The following ATAD2B variants were observed in gnomAD, a reference collection of about 807,000 sequenced individuals.
ATAD2B encodes the protein ATPase family AAA domain containing 2B, also known as ATPase family AAA domain-containing protein 2B.
A neutral mutation model predicts 167.6 loss-of-function variants in ATAD2B; 40 were observed. The observed-to-expected ratio is 0.24, with a 90% CI of 0.19 to 0.31. ATAD2B has a LOEUF of 0.31. Among genes scored for constraint, ATAD2B ranks in the 10% least tolerant of loss-of-function variants. ATAD2B has a pLI of 1.00. For missense variants in ATAD2B, 1,242 were observed against 1,757.2 expected (o/e 0.71, Z 5.24); for synonymous variants, 579 against 596.5 (o/e 0.97, Z 0.43).
the ATAD2B span, among the ~76,000 whole-genome samples, chr2:23,738,268 T>C: frequency 6.6e-6 from 1 of 152,094 alleles, no homozygotes; most frequent in Non-Finnish European, 1.5e-5. Flanking sequence ...AAAGTTGAAA[T>C]GAAGAAACAA....
downstream of ATAD2B, among the ~76,000 whole-genome samples, chr2:23,745,368 A>AGAAGGAAGGAAAGAAG (rs1674784813): frequency 1.9e-5 from 1 of 52,884 alleles, no homozygotes; most frequent in Admixed American, 2.4e-4. Context: ...AAGGAAGGAA[A>AGAAGGAAGGAAAGAAG]GAAGGAAGGA....
At position 23,881,401 on chromosome 2, in the gene ATAD2B, G is replaced by A. The variant is rs182466492; in HGVS notation, c.785-646C>T. Among the ~76,000 whole-genome samples the A allele has an allele frequency of 1.6e-4, 20 of 123,394 alleles. No homozygotes were observed. The East Asian group carries it at 3.9e-3, about 24-fold the overall frequency. 81.0% of individuals were successfully genotyped at this position (123,394 alleles called of 152,430 possible). ...TTTTTTTTGACACAGAGTCTCTGTCGCCAGGCTGGAGTACAGTGGCGTGAT... is the reference window on the plus strand; with the variant it reads ...TTTTTTTTGACACAGAGTCTCTGTCACCAGGCTGGAGTACAGTGGCGTGAT... On this transcript the variant is annotated intron_variant, in intron 6 of 27. Coordinates refer to ENST00000238789, the MANE Select transcript of ATAD2B (RefSeq NM_017552.4).
rs1677867406 is a variant in ATAD2B at position 23,768,928 on chromosome 2, A to AG, written c.3134-3301_3134-3300insC. Among the ~76,000 whole-genome samples, 4 of 152,164 alleles carry AG rather than the reference A, an allele frequency of 2.6e-5. No individual in the cohort carries two copies. In the South Asian group the frequency reaches 8.3e-4, roughly 31 times the overall value. ...TCACATGCTGGTGGACATTAGTGAT[A>AG]ATTCTGAGTTTTGGCTATTATAAAC... On this transcript the variant is annotated intron_variant, in intron 22 of 27. Coordinates refer to ENST00000238789, the MANE Select transcript of ATAD2B (RefSeq NM_017552.4).
the ATAD2B span, among the ~76,000 whole-genome samples, chr2:23,735,698 G>A: frequency 1.1e-4 from 17 of 152,252 alleles, no homozygotes; most frequent in Middle Eastern, 3.4e-3. Context: ...ACTTCAGTAC[G>A]AAAATCAGGA....
Position 23,786,146 on chromosome 2 carries a change from T to G in ATAD2B, c.2854A>C (p.Met952Leu), listed in dbSNP as rs540833365. ...RQLSESEKSR[M>L]EDQEENTLRE... ...AAAGTATTTTCCTCCTGGTCCTCCATTCGACTTTTTTCTGATTCTGATAAT... is the reference window on the plus strand; with the variant it reads ...AAAGTATTTTCCTCCTGGTCCTCCAGTCGACTTTTTTCTGATTCTGATAAT... Residue 952 changes from methionine (M) to leucine (L), a missense_variant, in exon 21 of 28, where the codon ATG (methionine) becomes CTG (leucine). Met to Leu is a conservative substitution (Grantham distance 15, BLOSUM62 2). Transcript: ENST00000238789. 4.4e-6 allele frequency: 7 copies of G among 1,603,452 alleles called. No homozygotes were observed. In the South Asian group the frequency reaches 7.9e-5, roughly 18 times the overall value.
chr2:23,736,234 C>A, the ATAD2B span, among the ~76,000 whole-genome samples: 31 of 152,180 alleles, frequency 2.0e-4, no homozygotes, highest in African/African-American at 6.3e-4. Context: ...GGAACCCCCC[C>A]CATTGTTACT....
intron 10 of ATAD2B, 26 bp downstream of exon 10, chr2:23,867,806 ACTT>A (rs1331499136): frequency 1.3e-6 from 2 of 1,503,234 alleles, no homozygotes; most frequent in Non-Finnish European, 1.8e-6. Flanking sequence ...AAAAAAGAAA[ACTT>A]CTAGAAAAAC....
the ATAD2B span, chr2:23,706,953 T>A: frequency 3.5e-6 from 1 of 289,196 alleles, no homozygotes; most frequent in Non-Finnish European, 6.4e-6. Context: ...TTTCACGTAT[T>A]TTTCAACTGG....
chr2:23,905,984 A>C (rs1369751207), intron 1 of ATAD2B, among the ~76,000 whole-genome samples: 1 of 152,148 alleles, frequency 6.6e-6, no homozygotes, highest in African/African-American at 2.4e-5. Context: ...AATTTGAGAA[A>C]ACCTATGAAA....
chr2:23,875,493 G>A (rs762623648), intron 8 of ATAD2B, among the ~76,000 whole-genome samples: 90 of 130,538 alleles, frequency 6.9e-4, no homozygotes, highest in Non-Finnish European at 1.3e-3. Context: ...GGGACAAAGT[G>A]AGACTCCGTC....
Position 23,857,443 on chromosome 2 carries a change from G to T in ATAD2B, c.1540C>A (p.Arg514Ser). The change falls in exon 13 of 28, where the codon CGC (arginine) becomes AGC (serine). Residue 514 changes from arginine to serine, a missense_variant. Transcript: ENST00000238789. Reference protein sequence around the residue: ...FDEIDGLAPVRSSRQDQIHSS... With the variant: ...FDEIDGLAPVSSSRQDQIHSS... ...TGGATCTGATCTTGTCTGCTAGAGC[G>T]AACTGGAGCTAATCCATCTATTTCA... 3 of 1,517,664 alleles carry T rather than the reference G, an allele frequency of 2.0e-6. No homozygotes were observed. The South Asian group carries it at 4.1e-5, about 21-fold the overall frequency. The allele number at this position is 1,517,664 out of a possible 1,614,324, so 94.0% of individuals were successfully genotyped here.
At chr2:23,886,815 C>T (rs886930896) in intron 4 of ATAD2B, among the ~76,000 whole-genome samples, 4 of 151,692 alleles carry the variant, frequency 2.6e-5, no homozygotes, top group African/African-American at 4.8e-5. Context: ...CCTGTAGTCC[C>T]GGCTACTTGG....
rs1675080677 is a variant in ATAD2B, at chr2:23,748,952, A to ACAAAAAAAG, written c.*3093_*3094insCTTTTTTTG. 6.6e-6 allele frequency: 1 copy of ACAAAAAAAG among 152,174 alleles called. No individual in the cohort carries two copies. Among genetic ancestry groups the ACAAAAAAAG allele is most frequent in the African/African-American group, 2.4e-5 (1 of 41,456 alleles). The allele number at this position is 152,174 out of a possible 1,614,324, so 9.4% of individuals were successfully genotyped here. On this transcript the variant is annotated 3_prime_UTR_variant, in exon 28 of 28. Coordinates refer to ENST00000238789, the MANE Select transcript of ATAD2B (RefSeq NM_017552.4). ...TGTACAGAATACAAAAGATGCAGGT[A>ACAAAAAAAG]CAAGCCCAAATTCAAGCTTACAATG...
intron 23 of ATAD2B, 68 bp downstream of exon 23, chr2:23,765,437 GC>G: frequency 7.9e-7 from 1 of 1,268,886 alleles, no homozygotes; most frequent in East Asian, 2.7e-5. Flanking sequence ...TAAAGAAACA[GC>G]GTTCAAGTAC....
chr2:23,762,139 C>A (rs1463056105), intron 24 of ATAD2B, 70 bp downstream of exon 24: 3 of 1,505,050 alleles, frequency 2.0e-6, no homozygotes, highest in African/African-American at 1.4e-5. Flanking sequence ...TGTTTTGTAC[C>A]CAATTCCTAA....
intron 13 of ATAD2B, among the ~76,000 whole-genome samples, chr2:23,852,381 T>C (rs568931451): frequency 5.3e-5 from 8 of 152,226 alleles, no homozygotes; most frequent in Non-Finnish European, 1.0e-4. Flanking sequence ...TGCCTCAGCC[T>C]CTCAAAGTGT....
chr2:23,781,853 C>G (rs896547440), intron 22 of ATAD2B, among the ~76,000 whole-genome samples: 1 of 150,928 alleles, frequency 6.6e-6, no homozygotes, highest in Non-Finnish European at 1.5e-5. Flanking sequence ...CGCTATGTTG[C>G]CCAGGCTGGA....
chr2:23,837,764 A>G (rs940797597), intron 13 of ATAD2B, among the ~76,000 whole-genome samples: 1 of 152,172 alleles, frequency 6.6e-6, no homozygotes, highest in Non-Finnish European at 1.5e-5. Context: ...AATGTATATG[A>G]CGCTTTAGTT....
At chr2:23,768,858 G>A (rs946742935) in intron 22 of ATAD2B, among the ~76,000 whole-genome samples, 3 of 152,120 alleles carry the variant, frequency 2.0e-5, no homozygotes, top group East Asian at 1.9e-4. Flanking sequence ...TGTTAGTGCT[G>A]AATACTAATC....
Sources: gnomAD v4.1 joint callset for allele counts (sites outside exome capture counted in the v4.1 genomes callset) on GRCh38, gnomAD v4.1.1 for gene constraint, MANE v1.5 for transcripts, NCBI Gene and HGNC (gene_info 2026-07-23, HGNC 2026-07-21) for gene names.